The following SGCD variants were observed in gnomAD, a reference collection of about 807,000 sequenced individuals.
SGCD encodes the protein sarcoglycan delta.
Under a neutral mutation model 36.6 loss-of-function variants are expected in SGCD, and 18 were observed. The ratio of observed to expected loss-of-function variants is 0.49; its 90% CI spans 0.34 to 0.73. The LOEUF is 0.73. Ranked by LOEUF, SGCD falls within the 30% of genes least tolerant of loss-of-function variation. The pLI, the probability that SGCD is intolerant of heterozygous loss-of-function variation, is 0.01. For missense variants in SGCD, 387 were observed against 346.7 expected, an observed-to-expected ratio of 1.12 and a Z score of -0.92; for synonymous variants, 133 against 130.6, an observed-to-expected ratio of 1.02 and a Z score of -0.12.
intron 4 of SGCD, among the ~76,000 whole-genome samples, chr5:156,559,507 G>A (rs996030560): frequency 3.3e-5 from 5 of 152,166 alleles, no homozygotes; most frequent in Non-Finnish European, 5.9e-5. Flanking sequence ...CCCAGGTAAA[G>A]TATTTCCACA....
intron 3 of SGCD, among the ~76,000 whole-genome samples, chr5:156,444,117 C>CTCTCT (rs1561699488): frequency 1.9e-4 from 8 of 41,430 alleles, no homozygotes; most frequent in African/African-American, 9.4e-4. Context: ...TCTCTCTCTC[C>CTCTCT]CCTTCCCTCT....
intron 3 of SGCD, among the ~76,000 whole-genome samples, chr5:156,264,097 G>A (rs574747385): frequency 2.0e-5 from 3 of 152,116 alleles, no homozygotes; most frequent in Admixed American, 2.0e-4. Context: ...AGGACAGTTT[G>A]GAGGCTTTAA....
chr5:156,665,025 T>C (rs1561845435), intron 7 of SGCD, among the ~76,000 whole-genome samples: 1 of 150,588 alleles, frequency 6.6e-6, no homozygotes, highest in Non-Finnish European at 1.5e-5. Context: ...TAGGATTAAG[T>C]CTCCTAGTGG....
In SGCD at chr5:156,363,465, A is replaced by T. The variant is rs568224385; in HGVS notation, c.192+18788A>T. ...GATTTTGGTATGCTCTCCTAAGTTT[A>T]TTTCTTCTCATTAAGTTACCTAGGT... is the stretch of plus-strand genomic sequence containing the variant. On this transcript the variant is annotated intron_variant, in intron 3 of 8. Transcript: ENST00000337851. Among the ~76,000 whole-genome samples the T allele has an allele frequency of 7.4e-4, 112 of 152,250 alleles. 1 individual carries two copies. The highest frequency in any genetic ancestry group is 2.6e-3 in the African/African-American group (108 of 41,558).
At chr5:156,332,684 G>T (rs1378492474) in intron 2 of SGCD, among the ~76,000 whole-genome samples, 1 of 152,194 alleles carries the variant, frequency 6.6e-6, no homozygotes, top group Non-Finnish European at 1.5e-5. Flanking sequence ...GTCGCAGGAG[G>T]ACAGTATGGT....
At chr5:155,855,858 G>C in the SGCD span, among the ~76,000 whole-genome samples, 1 of 152,114 alleles carries the variant, frequency 6.6e-6, no homozygotes, top group Non-Finnish European at 1.5e-5. Context: ...GAGCTGCACA[G>C]AGAGAGGATA....
chr5:156,566,151 A>C (rs745319917), intron 4 of SGCD, among the ~76,000 whole-genome samples: 37 of 152,226 alleles, frequency 2.4e-4, no homozygotes, highest in Admixed American at 2.3e-3. Flanking sequence ...ATGAGATAAC[A>C]TCTCATACCA....
At chr5:156,671,447 A>G (rs1358342074) in intron 7 of SGCD, among the ~76,000 whole-genome samples, 1 of 151,672 alleles carries the variant, frequency 6.6e-6, no homozygotes, top group East Asian at 1.9e-4. Flanking sequence ...TAATTTTTGT[A>G]TTTTTTAGGA....
At chr5:156,724,782 G>A (rs2113789604) in intron 7 of SGCD, among the ~76,000 whole-genome samples, 1 of 152,248 alleles carries the variant, frequency 6.6e-6, no homozygotes, top group African/African-American at 2.4e-5. Flanking sequence ...CCTGCAAACT[G>A]GCAAGACTAC....
intron 3 of SGCD, among the ~76,000 whole-genome samples, chr5:156,182,921 C>G (rs1309933257): frequency 6.6e-6 from 1 of 152,232 alleles, no homozygotes; most frequent in Non-Finnish European, 1.5e-5. Context: ...ACACCTTCCT[C>G]TTCCTCCTGC....
At chr5:156,111,310 T>C (rs1293103564) in intron 1 of SGCD, among the ~76,000 whole-genome samples, 1 of 152,098 alleles carries the variant, frequency 6.6e-6, no homozygotes, top group African/African-American at 2.4e-5. Flanking sequence ...TGAGAGGGTG[T>C]GGTACAAGAT....
chr5:156,514,855 G>A (rs1425385910), intron 4 of SGCD, among the ~76,000 whole-genome samples: 6 of 152,130 alleles, frequency 3.9e-5, no homozygotes, highest in East Asian at 1.9e-4. Flanking sequence ...ATGTGTGGTC[G>A]TAAATAAGTA....
chr5:156,741,967 C>T lies in SGCD; in HGVS notation c.576-15614C>T, dbSNP rs569487902. ...CTCAGCTCACTGAAAGCTCCACCTC[C>T]CAGCTTCATGCCATTCTCCTGCCTC... On this transcript the variant is annotated intron_variant, in intron 7 of 8. Transcript: ENST00000337851. 2.0e-5 allele frequency among the ~76,000 whole-genome samples: 3 copies of T among 152,180 alleles called. No individual in the cohort carries two copies. In the East Asian group the frequency reaches 5.8e-4, roughly 29 times the overall value.
chr5:155,871,491 G>C (rs1344466852), intron 1 of SGCD, among the ~76,000 whole-genome samples: 1 of 152,150 alleles, frequency 6.6e-6, no homozygotes, highest in Non-Finnish European at 1.5e-5. Flanking sequence ...GAAAAGCCTG[G>C]ATAGGGATTT....
chr5:156,383,548 T>C (rs1014616702), intron 3 of SGCD, among the ~76,000 whole-genome samples: 1 of 152,014 alleles, frequency 6.6e-6, no homozygotes, highest in African/African-American at 2.4e-5. Context: ...GGACATTTAC[T>C]AGGAATATAG....
At chr5:156,448,731 C>CTTTTTCTTTTT (rs1753856032) in intron 3 of SGCD, among the ~76,000 whole-genome samples, 1 of 76,016 alleles carries the variant, frequency 1.3e-5, no homozygotes, top group Non-Finnish European at 2.4e-5. Context: ...TTTTCTTTTT[C>CTTTTTCTTTTT]TTTTTTTTTT....
intron 1 of SGCD, among the ~76,000 whole-genome samples, chr5:156,044,543 G>A (rs1466729803): frequency 6.6e-6 from 1 of 152,116 alleles, no homozygotes; most frequent in Non-Finnish European, 1.5e-5. Context: ...ATCAGGCAGA[G>A]TATCTGTTAG....
intron 3 of SGCD, among the ~76,000 whole-genome samples, chr5:156,227,806 C>A (rs1045859388): frequency 3.9e-5 from 6 of 152,052 alleles, no homozygotes; most frequent in African/African-American, 1.4e-4. Context: ...TTAACACCAC[C>A]TTTGCTGTCT....
intron 3 of SGCD, among the ~76,000 whole-genome samples, chr5:156,473,923 A>G (rs900622045): frequency 6.6e-6 from 1 of 151,214 alleles, no homozygotes; most frequent in African/African-American, 2.4e-5. Context: ...GAATTTTAAT[A>G]CCTTTGATAC....
Sources: allele counts gnomAD v4.1 joint callset (sites outside exome capture counted in the v4.1 genomes callset), GRCh38; gene constraint gnomAD v4.1.1; transcripts MANE v1.5; gene names NCBI Gene and HGNC (gene_info 2026-07-23, HGNC 2026-07-21).